The following NR3C1 variants were observed in gnomAD, a reference collection of about 807,000 sequenced individuals.
NR3C1 encodes the protein glucocorticoid receptor.
In NR3C1, 14 loss-of-function variants were observed where a neutral mutation model predicts 74.0. That is an observed-to-expected ratio of 0.19 (90% CI 0.12 to 0.30). NR3C1 has a LOEUF of 0.30. Among genes scored for constraint, NR3C1 ranks in the 10% least tolerant of loss-of-function variants. The pLI is 1.00. For missense variants in NR3C1, 695 were observed against 909.8 expected (o/e 0.76, Z 3.04); for synonymous variants, 308 against 332.5 (o/e 0.93, Z 0.80).
chr5:143,315,796 C>A (rs1375174537), intron 2 of NR3C1, among the ~76,000 whole-genome samples: 1 of 152,148 alleles, frequency 6.6e-6, no homozygotes, highest in Non-Finnish European at 1.5e-5. Context: ...AATGGAATGA[C>A]AATTTCTTTT....
intron 2 of NR3C1, among the ~76,000 whole-genome samples, chr5:143,363,711 A>C: frequency 6.6e-6 from 1 of 152,368 alleles, no homozygotes; most frequent in Middle Eastern, 3.4e-3. Context: ...GCAATGATAA[A>C]ACTGAACCAA....
chr5:143,324,936 C>A (rs536222131), intron 2 of NR3C1, among the ~76,000 whole-genome samples: 2 of 152,304 alleles, frequency 1.3e-5, no homozygotes, highest in South Asian at 4.1e-4. Flanking sequence ...TTCCTAATAT[C>A]CATCTGAGAC....
At chr5:143,342,795 A>G (rs539446844) in intron 2 of NR3C1, among the ~76,000 whole-genome samples, 7 of 152,330 alleles carry the variant, frequency 4.6e-5, no homozygotes, top group African/African-American at 1.4e-4. Context: ...ACATACAAGG[A>G]AAAGGCCAGT....
chr5:143,416,759 A>C (rs1363124058), intron 1 of NR3C1, among the ~76,000 whole-genome samples: 1 of 152,222 alleles, frequency 6.6e-6, no homozygotes, highest in Admixed American at 6.5e-5. Context: ...AGGGGAGCCC[A>C]AAAGAGAAGC....
intron 1 of NR3C1, among the ~76,000 whole-genome samples, chr5:143,401,820 T>C (rs1417425428): frequency 6.6e-6 from 1 of 152,220 alleles, no homozygotes; most frequent in Admixed American, 6.5e-5. Flanking sequence ...TAAATTCAGG[T>C]ACAACTGTAT....
chr5:143,421,132 T>C (rs974163066), intron 1 of NR3C1, among the ~76,000 whole-genome samples: 1 of 152,130 alleles, frequency 6.6e-6, no homozygotes, highest in South Asian at 2.1e-4. Flanking sequence ...CAGTGTGGGC[T>C]TTTCTCCACC....
chr5:143,336,697 C>A (rs375221712), intron 2 of NR3C1, among the ~76,000 whole-genome samples: 1 of 152,062 alleles, frequency 6.6e-6, no homozygotes, highest in Non-Finnish European at 1.5e-5. Context: ...CCAGGCCAGG[C>A]GCGGTAGCTC....
At chr5:143,318,919 A>G (rs1348177406) in intron 2 of NR3C1, among the ~76,000 whole-genome samples, 1 of 152,222 alleles carries the variant, frequency 6.6e-6, no homozygotes, top group Non-Finnish European at 1.5e-5. Flanking sequence ...TTTTAAGTGC[A>G]TGACAGTGAA....
chr5:143,287,025 G>A (rs1450572682), intron 7 of NR3C1, among the ~76,000 whole-genome samples: 1 of 151,086 alleles, frequency 6.6e-6, no homozygotes, highest in Non-Finnish European at 1.5e-5. Flanking sequence ...AATCATGAAG[G>A]ACATTAGAAA....
At chr5:143,422,525 G>T (rs1412793478) in intron 1 of NR3C1, among the ~76,000 whole-genome samples, 1 of 152,172 alleles carries the variant, frequency 6.6e-6, no homozygotes, top group African/African-American at 2.4e-5. Context: ...ACCTTTGGGA[G>T]GTGATTTGGT....
chr5:143,369,176 T>A (rs1484652712), intron 2 of NR3C1, among the ~76,000 whole-genome samples: 2 of 152,306 alleles, frequency 1.3e-5, no homozygotes, highest in Non-Finnish European at 2.9e-5. Context: ...AGCAGTTGGC[T>A]AATAAGAAAA....
Position 143,279,889 on chromosome 5 carries a change from GTC to G in NR3C1, c.*1998_*1999del, listed in dbSNP as rs1051990952. 9 of 155,084 alleles carry G rather than the reference GTC, an allele frequency of 5.8e-5. No individual in the cohort carries two copies. The highest frequency in any genetic ancestry group is 2.2e-4 in the African/African-American group (9 of 41,462). 9.6% of individuals were successfully genotyped at this position (155,084 alleles called of 1,614,324 possible). A position where few individuals can be genotyped will look rare whatever the true frequency, so the allele number is the denominator to read the frequency against. ...TTAAGGATGTAAGCACCACCTTCCTGTCTCCTGTTTACATACTTTACATACTT... is the reference window on the plus strand; with the variant it reads ...TTAAGGATGTAAGCACCACCTTCCTGTCCTGTTTACATACTTTACATACTT... On this transcript the variant is annotated 3_prime_UTR_variant, in exon 9 of 9. Coordinates refer to ENST00000394464, the MANE Select transcript of NR3C1 (RefSeq NM_000176.3).
At chr5:143,376,575 A>G (rs1442440863) in intron 2 of NR3C1, among the ~76,000 whole-genome samples, 4 of 152,206 alleles carry the variant, frequency 2.6e-5, no homozygotes, top group Admixed American at 2.6e-4. Context: ...TCATGTTATC[A>G]GGGTTCCAGC....
At chr5:143,362,862 A>G (rs574966164) in intron 2 of NR3C1, among the ~76,000 whole-genome samples, 27 of 152,310 alleles carry the variant, frequency 1.8e-4, no homozygotes, top group Admixed American at 1.6e-3. Flanking sequence ...AAAACAACAC[A>G]CTAGTCTAAA....
Position 143,337,463 on chromosome 5 carries a change from T to C in NR3C1, c.1185-23295A>G, listed in dbSNP as rs76127874. ...ATGATGTAGCAACTCCATCAATAGA[T>C]ATGTATTCAAAAAGAAATTTATACT... On this transcript the variant is annotated intron_variant, in intron 2 of 8. Coordinates refer to ENST00000394464, the MANE Select transcript of NR3C1 (RefSeq NM_000176.3). 5.5e-3 allele frequency among the ~76,000 whole-genome samples: 832 copies of C among 152,320 alleles called. 5 individuals are homozygous for C. The highest frequency in any genetic ancestry group is 0.022 in the East Asian group (115 of 5,186).
intron 2 of NR3C1, among the ~76,000 whole-genome samples, chr5:143,342,271 C>T (rs1240602426): frequency 1.3e-5 from 2 of 152,110 alleles, no homozygotes; most frequent in Non-Finnish European, 2.9e-5. Flanking sequence ...GGCACTATGC[C>T]AAATCATCTA....
At chr5:143,432,413 A>G (rs942484929) in intron 1 of NR3C1, among the ~76,000 whole-genome samples, 2 of 152,152 alleles carry the variant, frequency 1.3e-5, no homozygotes, top group Non-Finnish European at 2.9e-5. Flanking sequence ...ACAGATTTCT[A>G]GTCCTGAGGG....
chr5:143,424,033 A>AG (rs1751383764), intron 1 of NR3C1, among the ~76,000 whole-genome samples: 1 of 115,212 alleles, frequency 8.7e-6, no homozygotes, highest in Admixed American at 1.1e-4. Flanking sequence ...GGACACAGGA[A>AG]GGGGAACATC....
chr5:143,399,170 A>C (rs1413727074), intron 2 of NR3C1, among the ~76,000 whole-genome samples: 1 of 152,234 alleles, frequency 6.6e-6, no homozygotes, highest in African/African-American at 2.4e-5. Context: ...GCTCTTTGTT[A>C]GTACTTCTGC....
Sources: gnomAD v4.1 joint callset for allele counts (sites outside exome capture counted in the v4.1 genomes callset) on GRCh38, gnomAD v4.1.1 for gene constraint, MANE v1.5 for transcripts, NCBI Gene and HGNC (gene_info 2026-07-23, HGNC 2026-07-21) for gene names.